The following CIB4 variants were observed in gnomAD, a reference collection of about 807,000 sequenced individuals.
CIB4 encodes calcium and integrin binding family member 4, also known as calcium and integrin-binding family member 4.
Under a neutral mutation model 25.8 loss-of-function variants are expected in CIB4, and 25 were observed. The observed-to-expected ratio is 0.97, with a 90% CI of 0.71 to 1.35. The LOEUF (loss-of-function observed/expected upper bound fraction) is 1.35. CIB4 is among the 40% of genes most tolerant of loss of function. The probability of loss-of-function intolerance (pLI) is 0.00; values close to 1 mark genes in which losing one functional copy is unlikely to be tolerated. For synonymous variants in CIB4, 75 were observed against 81.4 expected, an observed-to-expected ratio of 0.92 and a Z score of 0.42; for missense variants, 235 against 228.2, an observed-to-expected ratio of 1.03 and a Z score of -0.19.
At chr2:26,617,381 A>T (rs766136361) in intron 3 of CIB4, among the ~76,000 whole-genome samples, 111 of 152,198 alleles carry the variant, frequency 7.3e-4, no homozygotes, top group Non-Finnish European at 1.3e-3. Context: ...GAGCTGGATG[A>T]AGGCAAGTTG....
At chr2:26,584,790 C>A (rs1429062880) in intron 4 of CIB4, among the ~76,000 whole-genome samples, 1 of 152,092 alleles carries the variant, frequency 6.6e-6, no homozygotes, top group African/African-American at 2.4e-5. Flanking sequence ...GGGTTCCGGC[C>A]GTGGGGAGCC....
At chr2:26,618,855 G>T (rs997899434) in intron 3 of CIB4, among the ~76,000 whole-genome samples, 3 of 152,160 alleles carry the variant, frequency 2.0e-5, no homozygotes, top group African/African-American at 7.2e-5. Context: ...AGATGCTGAC[G>T]GGCATGACCA....
At chr2:26,586,737 T>C (rs1384827758) in intron 4 of CIB4, among the ~76,000 whole-genome samples, 2 of 152,202 alleles carry the variant, frequency 1.3e-5, no homozygotes, top group African/African-American at 4.8e-5. Context: ...TAACTGCCTT[T>C]GTTGCAATAA....
rs576816627 is a variant in CIB4 at position 26,582,056 on chromosome 2, C to T, written c.528-663G>A. On this transcript the variant is annotated intron_variant, in intron 6 of 6. Transcript: ENST00000288861. ...GTGGAGGGGCGATGGGAGGCAGAGA[C>T]GTTGGCACAGAGGGACCCAGCAGCC... Among the ~76,000 whole-genome samples the T allele has an allele frequency of 2.6e-5, 4 of 152,348 alleles. No individual in the cohort carries two copies. In the East Asian group the frequency reaches 7.7e-4, roughly 29 times the overall value.
At chr2:26,609,332 G>C (rs1038674237) in intron 3 of CIB4, among the ~76,000 whole-genome samples, 1 of 152,078 alleles carries the variant, frequency 6.6e-6, no homozygotes, top group Admixed American at 6.5e-5. Context: ...AGGCAGCAGC[G>C]GATGCAAATG....
At chr2:26,611,707 A>T (rs941604230) in intron 3 of CIB4, among the ~76,000 whole-genome samples, 1 of 152,212 alleles carries the variant, frequency 6.6e-6, no homozygotes, top group Non-Finnish European at 1.5e-5. Context: ...TTATAGTAAC[A>T]AATAAATAAA....
chr2:26,590,258 T>TTAA (rs1464483097), intron 4 of CIB4, among the ~76,000 whole-genome samples: 1 of 61,824 alleles, frequency 1.6e-5, no homozygotes, highest in Non-Finnish European at 2.6e-5. Flanking sequence ...CAAGCATCTG[T>TTAA]AAAAAAAAAA....
intron 3 of CIB4, among the ~76,000 whole-genome samples, chr2:26,615,316 C>T (rs1179690820): frequency 6.6e-6 from 1 of 152,186 alleles, no homozygotes; most frequent in Non-Finnish European, 1.5e-5. Flanking sequence ...GCCAGGTGAG[C>T]AGTGGGAAGT....
chr2:26,605,242 TG>T (rs1668865269), intron 3 of CIB4, among the ~76,000 whole-genome samples: 1 of 152,170 alleles, frequency 6.6e-6, no homozygotes, highest in Admixed American at 6.5e-5. Flanking sequence ...AATGTATACA[TG>T]GAAATTAATA....
At chr2:26,618,144 C>A (rs1669130605) in intron 3 of CIB4, among the ~76,000 whole-genome samples, 1 of 152,188 alleles carries the variant, frequency 6.6e-6, no homozygotes, top group South Asian at 2.1e-4. Flanking sequence ...CAGGCCCTGC[C>A]TCCCTCCACC....
intron 4 of CIB4, among the ~76,000 whole-genome samples, chr2:26,584,152 A>G (rs1009011292): frequency 6.6e-6 from 1 of 152,188 alleles, no homozygotes; most frequent in Admixed American, 6.5e-5. Context: ...GCTTTAAGTC[A>G]TTGAATCTTC....
At position 26,620,162 on chromosome 2, in the gene CIB4, A is replaced by G. The variant is rs550104340; in HGVS notation, c.186+9248T>C. 9.6e-4 allele frequency among the ~76,000 whole-genome samples: 97 copies of G among 101,204 alleles called. No homozygotes were observed. In the Middle Eastern group the frequency reaches 0.023, roughly 24 times the overall value. The allele number at this position is 101,204 out of a possible 152,430, so 66.4% of individuals were successfully genotyped here. On this transcript the variant is annotated intron_variant, in intron 3 of 6. Coordinates refer to ENST00000288861, the MANE Select transcript of CIB4 (RefSeq NM_001029881.3). ...ACAGTGGGGAAGGTGACACCACCCC[A>G]ATCTCCATCCCAGAATCCCCTACAG...
chr2:26,622,898 G>A (rs533889107), intron 3 of CIB4, among the ~76,000 whole-genome samples: 71 of 152,222 alleles, frequency 4.7e-4, no homozygotes, highest in Non-Finnish European at 8.1e-4. Context: ...CAGAAGAATT[G>A]CTTGAACCTG....
At chr2:26,638,336 C>G (rs12151419) in intron 2 of CIB4, among the ~76,000 whole-genome samples, 39,554 of 152,032 alleles carry the variant, frequency 0.26, 5,595 homozygotes, top group East Asian at 0.55. Flanking sequence ...GTCTCAGGTC[C>G]TGGGTGGGAG....
chr2:26,633,956 A>G (rs572839846), intron 2 of CIB4, among the ~76,000 whole-genome samples: 1 of 152,234 alleles, frequency 6.6e-6, no homozygotes, highest in East Asian at 1.9e-4. Flanking sequence ...CAGTTTAGGT[A>G]TCCTATGACT....
intron 2 of CIB4, among the ~76,000 whole-genome samples, chr2:26,635,446 G>T (rs1669514469): frequency 6.6e-6 from 1 of 152,236 alleles, no homozygotes; most frequent in South Asian, 2.1e-4. Flanking sequence ...TCGGTCTCTT[G>T]AATACTTTTT....
chr2:26,615,272 C>A (rs565588788), intron 3 of CIB4, among the ~76,000 whole-genome samples: 1 of 152,202 alleles, frequency 6.6e-6, no homozygotes, highest in African/African-American at 2.4e-5. Flanking sequence ...CCCCTGCCCC[C>A]AGACAGCATG....
intron 3 of CIB4, among the ~76,000 whole-genome samples, chr2:26,601,889 A>G (rs1460463989): frequency 6.6e-6 from 1 of 152,220 alleles, no homozygotes; most frequent in Non-Finnish European, 1.5e-5. Flanking sequence ...AAGAAGTCAG[A>G]CACAAAGGGC....
At chr2:26,608,710 C>A (rs1668941158) in intron 3 of CIB4, among the ~76,000 whole-genome samples, 1 of 152,156 alleles carries the variant, frequency 6.6e-6, no homozygotes, top group Non-Finnish European at 1.5e-5. Flanking sequence ...CCACACCCAG[C>A]CTCACTCCAG....
Sources: allele counts gnomAD v4.1 joint callset (sites outside exome capture counted in the v4.1 genomes callset), GRCh38; gene constraint gnomAD v4.1.1; transcripts MANE v1.5; gene names NCBI Gene and HGNC (gene_info 2026-07-23, HGNC 2026-07-21).